AUTS2: variants seen among roughly 807,000 people sequenced by gnomAD.
AUTS2 encodes the protein activator of transcription and developmental regulator AUTS2, also known as autism susceptibility gene 2 protein.
In AUTS2, 17 loss-of-function variants were observed where a neutral mutation model predicts 112.4. That is an observed-to-expected ratio of 0.15 (90% CI 0.10 to 0.23). The LOEUF (loss-of-function observed/expected upper bound fraction) is 0.23. AUTS2 is among the 10% of genes least tolerant of loss of function. The pLI is 1.00. For synonymous variants in AUTS2, 751 were observed against 702.7 expected (o/e 1.07, Z -1.09); for missense variants, 1,510 against 1,701.6 (o/e 0.89, Z 1.98).
intron 4 of AUTS2, chr7:70,294,180 C>CATAGCTGGAAGATGATGGCAATTATA (rs1245436129): frequency 2.0e-5 from 3 of 152,132 alleles, no homozygotes; most frequent in Non-Finnish European, 4.4e-5. Context: ...GAAGGCATTG[C>CATAGCTGGAAGATGATGGCAATTATA]ATAGCTGGAA....
intron 6 of AUTS2, among the ~76,000 whole-genome samples, chr7:70,726,343 T>TAA (rs34064102): frequency 0.13 from 18,827 of 148,274 alleles, 1,621 homozygotes; most frequent in East Asian, 0.38. Context: ...TGGCATTTCT[T>TAA]AAAAAAAAAA....
intron 6 of AUTS2, among the ~76,000 whole-genome samples, chr7:70,744,300 G>T (rs965195409): frequency 1.3e-5 from 2 of 152,132 alleles, no homozygotes; most frequent in Non-Finnish European, 2.9e-5. Flanking sequence ...ATTTGTCTGC[G>T]GTGAGGTAGA....
chr7:69,668,030 T>C (rs1331837684), intron 1 of AUTS2, among the ~76,000 whole-genome samples: 2 of 151,838 alleles, frequency 1.3e-5, no homozygotes, highest in Non-Finnish European at 2.9e-5. Context: ...AGGCTTACTG[T>C]CACATGACAG....
At chr7:69,644,679 G>A (rs915702633) in intron 1 of AUTS2, among the ~76,000 whole-genome samples, 8 of 152,016 alleles carry the variant, frequency 5.3e-5, no homozygotes, top group African/African-American at 1.9e-4. Context: ...AGAATACAAT[G>A]GTTATGTAAA....
At position 70,051,269 on chromosome 7, in the gene AUTS2, T is replaced by C. The variant is rs567917443; in HGVS notation, c.523-66863T>C. Among the ~76,000 whole-genome samples, 3 of 152,344 alleles carry C rather than the reference T, an allele frequency of 2.0e-5. No individual in the cohort carries two copies. In the East Asian group the frequency reaches 5.8e-4, roughly 29 times the overall value. ...CTGACCTTACGGTGATGAAATGAAC[T>C]TTTTGAGTGCGTTTGTCTCCTGAAT... On this transcript the variant is annotated intron_variant, in intron 2 of 18. Coordinates refer to ENST00000342771, the MANE Select transcript of AUTS2 (RefSeq NM_015570.4).
intron 1 of AUTS2, among the ~76,000 whole-genome samples, chr7:69,872,376 C>T (rs1176205540): frequency 3.3e-5 from 5 of 152,188 alleles, no homozygotes; most frequent in Non-Finnish European, 7.4e-5. Context: ...ATGTTTTCTT[C>T]CTCCTCCTCC....
chr7:69,828,187 C>T (rs1407389513), intron 1 of AUTS2, among the ~76,000 whole-genome samples: 1 of 152,136 alleles, frequency 6.6e-6, no homozygotes, highest in African/African-American at 2.4e-5. Flanking sequence ...TTAGTCTATT[C>T]CAGTCATTAT....
intron 4 of AUTS2, among the ~76,000 whole-genome samples, chr7:70,393,810 T>G (rs1345320547): frequency 6.6e-6 from 1 of 152,146 alleles, no homozygotes; most frequent in Non-Finnish European, 1.5e-5. Context: ...AGCATCCAAT[T>G]TGTCTCTTTT....
chr7:70,631,560 C>T lies in AUTS2; in HGVS notation c.691-67009C>T, dbSNP rs952781842. ...GAGAGCGCTGTCCCAGTGGTGGCCCCGAGGCCACAGGTTCTGTCCCAGATG... is the reference window on the plus strand; with the variant it reads ...GAGAGCGCTGTCCCAGTGGTGGCCCTGAGGCCACAGGTTCTGTCCCAGATG... On this transcript the variant is annotated intron_variant, in intron 5 of 18. Coordinates refer to ENST00000342771, the MANE Select transcript of AUTS2 (RefSeq NM_015570.4). The surrounding 1 kb of genome is among the most constrained non-coding windows in gnomAD (Gnocchi z 4.5). Among the ~76,000 whole-genome samples the T allele has an allele frequency of 2.0e-5, 3 of 152,064 alleles. No individual in the cohort carries two copies. The highest frequency in any genetic ancestry group is 4.4e-5 in the Non-Finnish European group (3 of 68,018).
chr7:69,803,154 C>T (rs1790157617), intron 1 of AUTS2, among the ~76,000 whole-genome samples: 1 of 152,168 alleles, frequency 6.6e-6, no homozygotes, highest in African/African-American at 2.4e-5. Context: ...GGGGTCTCAG[C>T]AGAATTATAA....
intron 4 of AUTS2, among the ~76,000 whole-genome samples, chr7:70,343,708 C>T (rs1053783953): frequency 6.6e-6 from 1 of 151,986 alleles, no homozygotes; most frequent in South Asian, 2.1e-4. Flanking sequence ...GGATTTTGCC[C>T]GGGATAAAGA....
chr7:70,477,600 A>G (rs994789754), intron 5 of AUTS2, among the ~76,000 whole-genome samples: 1 of 152,138 alleles, frequency 6.6e-6, no homozygotes, highest in African/African-American at 2.4e-5. Context: ...GCTGGCACGT[A>G]CCTGATTTGG....
chr7:70,293,692 T>C (rs1788807022), intron 4 of AUTS2: 1 of 152,210 alleles, frequency 6.6e-6, no homozygotes, highest in Non-Finnish European at 1.5e-5. Context: ...TGCACCAATG[T>C]CCTCGTCTCA....
chr7:70,445,208 A>G (rs73448871), intron 5 of AUTS2, among the ~76,000 whole-genome samples: 5,615 of 152,234 alleles, frequency 0.037, 183 homozygotes, highest in African/African-American at 0.08. Context: ...TTGTTTTACA[A>G]ATAAGAAAAA....
rs747881472 is a variant in AUTS2 at position 70,221,236 on chromosome 7, A to T, written c.660+86665A>T. On this transcript the variant is annotated intron_variant, in intron 4 of 18. Transcript: ENST00000342771. ...TTATTATATATCTGTCCTTCTGTCT[A>T]TTCATTAATCCATTTTATTTTTGGT... 4.6e-5 allele frequency among the ~76,000 whole-genome samples: 7 copies of T among 152,188 alleles called. No individual in the cohort carries two copies. The South Asian group carries it at 1.4e-3, about 31-fold the overall frequency.
intron 1 of AUTS2, among the ~76,000 whole-genome samples, chr7:69,708,478 G>T (rs746126721): frequency 3.9e-5 from 6 of 152,210 alleles, no homozygotes; most frequent in Non-Finnish European, 7.3e-5. Context: ...TCATCTGTGA[G>T]TCTAGAGCTG....
At chr7:70,178,770 A>G (rs941413500) in intron 4 of AUTS2, among the ~76,000 whole-genome samples, 2 of 152,036 alleles carry the variant, frequency 1.3e-5, no homozygotes, top group African/African-American at 4.8e-5. Context: ...GCTCACTCCA[A>G]CCTGGGCGAC....
At chr7:70,450,299 G>A (rs914829327) in intron 5 of AUTS2, among the ~76,000 whole-genome samples, 2 of 152,192 alleles carry the variant, frequency 1.3e-5, no homozygotes, top group South Asian at 2.1e-4. Context: ...ACCCCGTAGC[G>A]TATGCTGTTT....
intron 1 of AUTS2, among the ~76,000 whole-genome samples, chr7:69,610,015 TAA>T (rs1457382692): frequency 1.3e-5 from 2 of 152,196 alleles, no homozygotes; most frequent in Non-Finnish European, 2.9e-5. Context: ...AATATGCAAA[TAA>T]AAAGACATTG....
Sources: allele counts gnomAD v4.1 joint callset (sites outside exome capture counted in the v4.1 genomes callset), GRCh38; gene constraint gnomAD v4.1.1; non-coding constraint Gnocchi (gnomAD v3.1); transcripts MANE v1.5; gene names NCBI Gene and HGNC (gene_info 2026-07-23, HGNC 2026-07-21).